The following FAM193A variants were observed in gnomAD, a reference collection of about 807,000 sequenced individuals.
FAM193A encodes the protein family with sequence similarity 193 member A.
In FAM193A, 22 loss-of-function variants were observed where a neutral mutation model predicts 126.5. The observed-to-expected ratio is 0.17, with a 90% CI of 0.12 to 0.25. The LOEUF (loss-of-function observed/expected upper bound fraction) is 0.25, where lower values mean the gene tolerates loss of function less well. Ranked by LOEUF, FAM193A falls within the 10% of genes least tolerant of loss-of-function variation. The probability of loss-of-function intolerance (pLI) is 1.00; values close to 1 mark genes in which losing one functional copy is unlikely to be tolerated. For missense variants in FAM193A, 1,675 were observed against 1,672.8 expected (o/e 1.00, Z -0.02); for synonymous variants, 761 against 646.8 (o/e 1.18, Z -2.68).
At chr4:2,631,342 C>T (rs937338275) in intron 5 of FAM193A, among the ~76,000 whole-genome samples, 173 bp downstream of exon 5, 26 of 152,112 alleles carry the variant, frequency 1.7e-4, no homozygotes, top group African/African-American at 6.3e-4. Context: ...TGTCTTTCCT[C>T]TGGACTTTGC....
intron 1 of FAM193A, among the ~76,000 whole-genome samples, chr4:2,543,393 T>C (rs932264309): frequency 6.6e-6 from 1 of 151,966 alleles, no homozygotes; most frequent in Non-Finnish European, 1.5e-5. Context: ...GCCACTACCT[T>C]GGGTTTCTTA....
At chr4:2,633,763 C>T (rs559010663) in intron 5 of FAM193A, among the ~76,000 whole-genome samples, 37 of 151,806 alleles carry the variant, frequency 2.4e-4, no homozygotes, top group Admixed American at 6.6e-5. Flanking sequence ...CGTGGTGGCA[C>T]GCGCCTATAA....
intron 20 of FAM193A, among the ~76,000 whole-genome samples, chr4:2,721,584 G>A (rs535686110): frequency 6.6e-6 from 1 of 152,370 alleles, no homozygotes; most frequent in South Asian, 2.1e-4. Flanking sequence ...GGAGCCCCAT[G>A]GCAAGACCAG....
chr4:2,559,622 C>T (rs1191918947), intron 1 of FAM193A, among the ~76,000 whole-genome samples: 3 of 152,128 alleles, frequency 2.0e-5, no homozygotes, highest in South Asian at 2.1e-4. Flanking sequence ...GTCTTCCTTA[C>T]TCTCGCCGTA....
At chr4:2,669,816 G>T (rs931918668) in intron 12 of FAM193A, among the ~76,000 whole-genome samples, 4 of 152,204 alleles carry the variant, frequency 2.6e-5, no homozygotes, top group African/African-American at 9.6e-5. Context: ...TCTCCTGGCA[G>T]CCTGGCTTTC....
At chr4:2,562,608 C>T (rs1265292526) in intron 1 of FAM193A, among the ~76,000 whole-genome samples, 27 of 152,090 alleles carry the variant, frequency 1.8e-4, no homozygotes, top group Non-Finnish European at 1.2e-4. Flanking sequence ...GCACCCACCC[C>T]CCAACTTGAT....
rs1577023489 is a variant in FAM193A at position 2,572,272 on chromosome 4, T to C, written c.256-23812T>C. 2.7e-5 allele frequency among the ~76,000 whole-genome samples: 4 copies of C among 146,068 alleles called. No individual in the cohort carries two copies. In the South Asian group the frequency reaches 8.6e-4, roughly 31 times the overall value. On this transcript the variant is annotated intron_variant, in intron 1 of 20. Transcript: ENST00000637812. ...TGAACCTGGCAGGCAGAGGTTGCCG[T>C]GAGCCAAGATCGCGCCACTGGACTG...
At chr4:2,572,298 C>A (rs767191242) in intron 1 of FAM193A, among the ~76,000 whole-genome samples, 54 of 146,440 alleles carry the variant, frequency 3.7e-4, no homozygotes, top group Non-Finnish European at 4.5e-4. Context: ...CACTGGACTG[C>A]AGCCTAGGCG....
intron 1 of FAM193A, among the ~76,000 whole-genome samples, chr4:2,569,079 C>T (rs1397778768): frequency 6.9e-6 from 1 of 145,590 alleles, no homozygotes; most frequent in Non-Finnish European, 1.5e-5. Flanking sequence ...AAGCGATTCT[C>T]CTGCCTCAGC....
intron 13 of FAM193A, among the ~76,000 whole-genome samples, chr4:2,689,301 A>G (rs1391276413): frequency 1.3e-5 from 2 of 152,232 alleles, no homozygotes; most frequent in Non-Finnish European, 2.9e-5. Context: ...TTTCATATCT[A>G]CATCTGGTTG....
At chr4:2,571,164 C>T (rs753278996) in intron 1 of FAM193A, among the ~76,000 whole-genome samples, 1 of 152,184 alleles carries the variant, frequency 6.6e-6, no homozygotes, top group Non-Finnish European at 1.5e-5. Context: ...GTATTACTGG[C>T]AGTGTTGCTT....
chr4:2,669,355 G>C (rs1053674328), intron 12 of FAM193A, among the ~76,000 whole-genome samples: 1 of 151,926 alleles, frequency 6.6e-6, no homozygotes, highest in African/African-American at 2.4e-5. Flanking sequence ...GGTGTCTCAC[G>C]CCCAGCACTT....
At chr4:2,565,297 G>T (rs1357249741) in intron 1 of FAM193A, among the ~76,000 whole-genome samples, 7 of 108,664 alleles carry the variant, frequency 6.4e-5, no homozygotes, top group African/African-American at 2.2e-4. Context: ...GTCTCCCTCT[G>T]TCGCCAGGCT....
intron 10 of FAM193A, 35 bp downstream of exon 10, chr4:2,660,089 T>G (rs751648630): frequency 6.2e-7 from 1 of 1,605,304 alleles, no homozygotes; most frequent in South Asian, 1.1e-5. Context: ...TTTCCGAAAT[T>G]TAAGTCGCCC....
At chr4:2,538,136 C>A (rs1325083712) in intron 1 of FAM193A, among the ~76,000 whole-genome samples, 1 of 151,064 alleles carries the variant, frequency 6.6e-6, no homozygotes, top group South Asian at 2.1e-4. Flanking sequence ...AAAGATATTG[C>A]AATTAAAAAA....
intron 20 of FAM193A, among the ~76,000 whole-genome samples, chr4:2,731,258 A>T (rs1223544588): frequency 1.3e-5 from 2 of 149,090 alleles, no homozygotes; most frequent in African/African-American, 5.0e-5. Context: ...AGTCCTAGCT[A>T]CTTGGGAGGC....
rs112331076 is a variant in FAM193A, at chr4:2,651,904, G to A, written c.1311+5072G>A. Among the ~76,000 whole-genome samples the A allele has an allele frequency of 1.6e-4, 24 of 152,324 alleles. 1 individual carries two copies. Among genetic ancestry groups the A allele is most frequent in the African/African-American group, 5.5e-4 (23 of 41,562 alleles). On this transcript the variant is annotated intron_variant, in intron 7 of 20. Transcript: ENST00000637812. ...CCCAGGAGGAGAGTCCAGACCCCGT[G>A]TAGATGTGTGTGATCAGAAAGAGTC...
At chr4:2,691,130 TCCC>T (rs1716333047) in intron 15 of FAM193A, among the ~76,000 whole-genome samples, 160 bp downstream of exon 15, 1 of 152,250 alleles carries the variant, frequency 6.6e-6, no homozygotes, top group African/African-American at 2.4e-5. Flanking sequence ...AGAGAGCTGA[TCCC>T]CTAGGACTTT....
chr4:2,698,166 A>G (rs145116161), intron 18 of FAM193A, among the ~76,000 whole-genome samples: 13 of 152,356 alleles, frequency 8.5e-5, no homozygotes, highest in Admixed American at 3.9e-4. Flanking sequence ...TAGTTGACCT[A>G]TGGACTCTGT....
Sources: gnomAD v4.1 joint callset for allele counts (sites outside exome capture counted in the v4.1 genomes callset) on GRCh38, gnomAD v4.1.1 for gene constraint, MANE v1.5 for transcripts, NCBI Gene and HGNC (gene_info 2026-07-23, HGNC 2026-07-21) for gene names.